Variants in TENM1 observed in about 807,000 individuals in gnomAD.
TENM1 encodes the protein teneurin transmembrane protein 1.
TENM1 carries 35 observed loss-of-function variants against 174.8 expected under a neutral mutation model. That is an observed-to-expected ratio of 0.20 (90% CI 0.15 to 0.27). The LOEUF is 0.27. Among genes scored for constraint, TENM1 ranks in the 10% least tolerant of loss-of-function variants. TENM1 has a pLI of 1.00. For missense variants in TENM1, 1,633 were observed against 2,130.1 expected (o/e 0.77, Z 4.59); for synonymous variants, 781 against 798.7 (o/e 0.98, Z 0.37).
intron 16 of TENM1, among the ~76,000 whole-genome samples, chrX:124,525,612 A>T (rs116435129): frequency 0.057 from 6,362 of 110,751 alleles, 290 homozygotes; most frequent in African/African-American, 0.14. Flanking sequence ...CTCTCTTTTT[A>T]AAAAAAAACT....
intron 4 of TENM1, among the ~76,000 whole-genome samples, chrX:124,721,916 C>T (rs1433230912): frequency 8.9e-6 from 1 of 112,273 alleles, no homozygotes; most frequent in Non-Finnish European, 1.9e-5. Flanking sequence ...TGCCTATATG[C>T]ACGCACACAA....
chrX:124,909,496 C>G (rs1387476605), intron 1 of TENM1, among the ~76,000 whole-genome samples: 1 of 111,981 alleles, frequency 8.9e-6, no homozygotes, highest in Admixed American at 9.5e-5. Flanking sequence ...TTGTCACTGA[C>G]AATATAAAAA....
intron 11 of TENM1, among the ~76,000 whole-genome samples, chrX:124,620,363 TA>T (rs1213208177): frequency 9.0e-6 from 1 of 110,535 alleles, no homozygotes; most frequent in Non-Finnish European, 1.9e-5. Context: ...AAAAAAAGAG[TA>T]AAGAAGGAAA....
At chrX:124,930,787 G>A (rs1603280390) in intron 1 of TENM1, among the ~76,000 whole-genome samples, 1 of 111,899 alleles carries the variant, frequency 8.9e-6, no homozygotes, top group East Asian at 2.8e-4. Context: ...GAGCCCCACA[G>A]AGGAATAGGT....
At chrX:124,550,840 C>T (rs753178682) in intron 14 of TENM1, among the ~76,000 whole-genome samples, 12 of 109,656 alleles carry the variant, frequency 1.1e-4, no homozygotes, top group Non-Finnish European at 2.1e-4. Flanking sequence ...CTCACTGCAA[C>T]CTCTGTGTCC....
chrX:124,568,569 T>C (rs2048990024), intron 11 of TENM1, among the ~76,000 whole-genome samples: 1 of 112,031 alleles, frequency 8.9e-6, no homozygotes, highest in Admixed American at 9.5e-5. Flanking sequence ...TGGTACTTTG[T>C]CAAGTATGCA....
chrX:124,469,352 C>A (rs1286036456), intron 22 of TENM1, among the ~76,000 whole-genome samples: 1 of 111,688 alleles, frequency 9.0e-6, no homozygotes, highest in Non-Finnish European at 1.9e-5. Flanking sequence ...ACTGTTTAAC[C>A]CATCTTGCGT....
chrX:125,076,034 A>C, the TENM1 span, among the ~76,000 whole-genome samples: 2 of 112,101 alleles, frequency 1.8e-5, no homozygotes, highest in Non-Finnish European at 3.8e-5. Flanking sequence ...TCCAAAAACT[A>C]CTATAGAAAA....
chrX:124,528,633 T>C (rs1222819198), intron 16 of TENM1, among the ~76,000 whole-genome samples: 1 of 110,003 alleles, frequency 9.1e-6, no homozygotes, highest in East Asian at 2.8e-4. Flanking sequence ...GAACTCTGAT[T>C]ATAGAATATT....
intron 3 of TENM1, among the ~76,000 whole-genome samples, chrX:124,875,838 T>C (rs2057188810): frequency 1.0e-5 from 1 of 97,344 alleles, no homozygotes; most frequent in African/African-American, 4.1e-5. Context: ...ATCTCATGAC[T>C]GTACTCCAAC....
At chrX:124,715,576 A>C (rs2053159298) in intron 4 of TENM1, among the ~76,000 whole-genome samples, 1 of 108,869 alleles carries the variant, frequency 9.2e-6, no homozygotes, top group Non-Finnish European at 1.9e-5. Flanking sequence ...AGTATTATAC[A>C]CTTTTATTAC....
chrX:125,094,189 T>A, the TENM1 span, among the ~76,000 whole-genome samples: 1 of 112,176 alleles, frequency 8.9e-6, no homozygotes, highest in Non-Finnish European at 1.9e-5. Flanking sequence ...TCTATTGAAT[T>A]TGTTCTCTGA....
intron 4 of TENM1, among the ~76,000 whole-genome samples, chrX:124,732,584 G>C (rs2053588280): frequency 8.9e-6 from 1 of 111,742 alleles, no homozygotes; most frequent in South Asian, 3.8e-4. Flanking sequence ...GCTATAAAAG[G>C]GATGAACTGG....
At chrX:125,038,513 T>C in the TENM1 span, among the ~76,000 whole-genome samples, 1 of 111,704 alleles carries the variant, frequency 9.0e-6, no homozygotes, top group Admixed American at 9.5e-5. Flanking sequence ...TGAAAGCTAC[T>C]ATAGACACAC....
In TENM1 at chrX:124,723,292, C is replaced by T. The variant is rs147230215; in HGVS notation, c.776+13665G>A. On this transcript the variant is annotated intron_variant, in intron 4 of 31. Transcript: ENST00000422452. ...ATTTATAATTGATAGAGTCAATGGT[C>T]TCTTCTCATCCATAGTTTATTTGAT... Among the ~76,000 whole-genome samples the T allele has an allele frequency of 5.6e-3, 624 of 111,956 alleles. 8 individuals carry two copies. The highest frequency in any genetic ancestry group is 0.019 in the African/African-American group (592 of 30,825).
intron 11 of TENM1, among the ~76,000 whole-genome samples, chrX:124,602,196 T>C (rs896085909): frequency 1.8e-5 from 2 of 111,115 alleles, no homozygotes; most frequent in Admixed American, 9.6e-5. Flanking sequence ...AGCTATCCCA[T>C]AGTGCCTGAA....
chrX:124,724,066 CTATT>C (rs1378479503), intron 4 of TENM1, among the ~76,000 whole-genome samples: 3 of 112,090 alleles, frequency 2.7e-5, no homozygotes, highest in Non-Finnish European at 3.8e-5. Flanking sequence ...TATTTTTTCT[CTATT>C]TATTCCTTTC....
the TENM1 span, among the ~76,000 whole-genome samples, chrX:125,136,262 C>T: frequency 9.0e-6 from 1 of 110,929 alleles, no homozygotes; most frequent in East Asian, 2.8e-4. Context: ...AAGAGAGCAA[C>T]TGAGTTAATT....
At chrX:124,404,972 CAAACAA>C in intron 27 of TENM1, 53 bp downstream of exon 30, 1 of 1,055,619 alleles carries the variant, frequency 9.5e-7, no homozygotes, top group Non-Finnish European at 1.3e-6. Context: ...AACAAACAAA[CAAACAA>C]ACAAACAAAA....
Sources: gnomAD v4.1 joint callset for allele counts (sites outside exome capture counted in the v4.1 genomes callset) on GRCh38, gnomAD v4.1.1 for gene constraint, MANE v1.5 for transcripts, NCBI Gene and HGNC (gene_info 2026-07-23, HGNC 2026-07-21) for gene names.